Variants in MECOM observed in about 807,000 individuals in gnomAD.
The protein encoded by MECOM is MDS1 and EVI1 complex locus.
In MECOM, 13 loss-of-function variants were observed where a neutral mutation model predicts 116.3. That is an observed-to-expected ratio of 0.11 (90% CI 0.07 to 0.18). MECOM has a LOEUF of 0.18. Ranked by LOEUF, MECOM falls within the 10% of genes least tolerant of loss-of-function variation. MECOM has a pLI of 1.00. For missense variants in MECOM, 1,299 were observed against 1,509.0 expected, an observed-to-expected ratio of 0.86 and a Z score of 2.31; for synonymous variants, 528 against 535.2, an observed-to-expected ratio of 0.99 and a Z score of 0.19.
intron 2 of MECOM, among the ~76,000 whole-genome samples, chr3:169,240,605 C>G (rs1340359207): frequency 1.3e-5 from 2 of 152,164 alleles, no homozygotes; most frequent in East Asian, 1.9e-4. Context: ...ATTATAACTT[C>G]TGCAGAAGAG....
chr3:169,282,603 T>C (rs1425194410), intron 2 of MECOM, among the ~76,000 whole-genome samples: 5 of 152,156 alleles, frequency 3.3e-5, no homozygotes, highest in African/African-American at 9.7e-5. Flanking sequence ...GTATATTTAT[T>C]AGGTGCCCAA....
intron 1 of MECOM, among the ~76,000 whole-genome samples, chr3:169,649,922 A>G (rs1487240294): frequency 1.3e-5 from 2 of 152,366 alleles, no homozygotes; most frequent in African/African-American, 4.8e-5. Context: ...TTTAATAAGC[A>G]AAATAGTTCT....
chr3:169,226,428 A>ATT (rs1387753634), intron 2 of MECOM, among the ~76,000 whole-genome samples: 1 of 152,222 alleles, frequency 6.6e-6, no homozygotes, highest in East Asian at 1.9e-4. Flanking sequence ...AACTTTGTGA[A>ATT]TTACGTATTA....
chr3:169,498,629 G>T (rs1220003711), intron 1 of MECOM, among the ~76,000 whole-genome samples: 1 of 152,208 alleles, frequency 6.6e-6, no homozygotes, highest in Non-Finnish European at 1.5e-5. Flanking sequence ...ACCTGGTGGA[G>T]TTGAGGCAAC....
At chr3:169,272,780 TTC>T (rs1250780822) in intron 2 of MECOM, among the ~76,000 whole-genome samples, 2 of 152,148 alleles carry the variant, frequency 1.3e-5, no homozygotes, top group African/African-American at 2.4e-5. Context: ...TTTGAAAAAC[TTC>T]TCTTTGTCTG....
intron 2 of MECOM, among the ~76,000 whole-genome samples, chr3:169,279,886 G>T (rs910020937): frequency 6.6e-6 from 1 of 152,060 alleles, no homozygotes; most frequent in Non-Finnish European, 1.5e-5. Flanking sequence ...AAAGGCAAAA[G>T]CTCTGCTATT....
chr3:169,342,090 C>A (rs541810416), intron 2 of MECOM, among the ~76,000 whole-genome samples: 84 of 152,102 alleles, frequency 5.5e-4, no homozygotes, highest in African/African-American at 1.7e-3. Context: ...TCTGTATATA[C>A]TTTTCAAGAT....
At chr3:169,134,796 T>C (rs1044690575) in intron 3 of MECOM, among the ~76,000 whole-genome samples, 1 of 152,158 alleles carries the variant, frequency 6.6e-6, no homozygotes, top group Non-Finnish European at 1.5e-5. Flanking sequence ...CTAATAACAT[T>C]AATGGTATGC....
chr3:169,418,014 G>A (rs1312642900), intron 1 of MECOM, among the ~76,000 whole-genome samples: 17 of 150,568 alleles, frequency 1.1e-4, no homozygotes, highest in Admixed American at 9.4e-4. Context: ...GCTAAATGAC[G>A]AGTTAATGTG....
chr3:169,177,484 G>A (rs1219098999), intron 2 of MECOM, among the ~76,000 whole-genome samples: 2 of 151,970 alleles, frequency 1.3e-5, no homozygotes, highest in East Asian at 1.9e-4. Context: ...GGAGGGCGAG[G>A]GGAAGGAACT....
chr3:169,411,229 G>GAA (rs145078504), intron 1 of MECOM, among the ~76,000 whole-genome samples: 5 of 150,506 alleles, frequency 3.3e-5, no homozygotes, highest in East Asian at 1.9e-4. Flanking sequence ...ACTATTGCCA[G>GAA]AAAAAAAAAT....
At chr3:169,330,279 C>A (rs1722513498) in intron 2 of MECOM, among the ~76,000 whole-genome samples, 1 of 152,108 alleles carries the variant, frequency 6.6e-6, no homozygotes, top group Non-Finnish European at 1.5e-5. Context: ...CAACCTTGGC[C>A]TCCCTAAGTG....
At chr3:169,616,269 C>T (rs956826498) in intron 1 of MECOM, among the ~76,000 whole-genome samples, 3 of 152,082 alleles carry the variant, frequency 2.0e-5, no homozygotes, top group African/African-American at 4.8e-5. Flanking sequence ...TAAATTCTCA[C>T]GAAGTTTGGG....
chr3:169,286,483 G>A (rs1162793713), intron 2 of MECOM, among the ~76,000 whole-genome samples: 1 of 152,172 alleles, frequency 6.6e-6, no homozygotes, highest in Non-Finnish European at 1.5e-5. Context: ...CAGGCAGCAT[G>A]TACTAATGGT....
At chr3:169,296,859 G>A (rs1210243470) in intron 2 of MECOM, among the ~76,000 whole-genome samples, 1 of 152,164 alleles carries the variant, frequency 6.6e-6, no homozygotes, top group Admixed American at 6.5e-5. Context: ...AGCATGCAAA[G>A]AGCATATCAT....
intron 2 of MECOM, among the ~76,000 whole-genome samples, chr3:169,352,301 C>A (rs985804626): frequency 6.6e-6 from 1 of 151,570 alleles, no homozygotes; most frequent in Non-Finnish European, 1.5e-5. Flanking sequence ...TTCTTAAAAC[C>A]GGTCATTTTT....
At position 169,084,820 on chromosome 3, in the gene MECOM, C is replaced by T; in HGVS notation, c.*89G>A. The T allele has an allele frequency of 5.5e-6, 8 of 1,446,514 alleles. No individual in the cohort carries two copies. The highest frequency in any genetic ancestry group is 7.7e-6 in the Non-Finnish European group (8 of 1,045,458). 89.6% of individuals were successfully genotyped at this position (1,446,514 alleles called of 1,614,324 possible). A position where few individuals can be genotyped will look rare whatever the true frequency, so the allele number is the denominator to read the frequency against. ...TGAGTGACCCTGCAGGTTTATAAGG[C>T]ATTCTGCTCAGCAGTCTTGTAAATA... On this transcript the variant is annotated 3_prime_UTR_variant, in exon 17 of 17. Transcript: ENST00000651503.
chr3:169,235,934 T>TA (rs1754005805), intron 2 of MECOM, among the ~76,000 whole-genome samples: 1 of 152,236 alleles, frequency 6.6e-6, no homozygotes, highest in African/African-American at 2.4e-5. Context: ...CCTTTTTTTT[T>TA]ACTTTATAAT....
chr3:169,648,912 GGC>G (rs1424822921), intron 1 of MECOM, among the ~76,000 whole-genome samples: 1 of 152,172 alleles, frequency 6.6e-6, no homozygotes, highest in Non-Finnish European at 1.5e-5. Flanking sequence ...TCTTGTAAGT[GGC>G]AAGAAGCTGG....
Sources: allele counts gnomAD v4.1 joint callset (sites outside exome capture counted in the v4.1 genomes callset), GRCh38; gene constraint gnomAD v4.1.1; transcripts MANE v1.5; gene names NCBI Gene and HGNC (gene_info 2026-07-23, HGNC 2026-07-21).